Variants in NLRP4 observed in about 807,000 individuals in gnomAD.
NLRP4 encodes NLR family pyrin domain containing 4.
A neutral mutation model predicts 84.7 loss-of-function variants in NLRP4; 44 were observed. The observed-to-expected ratio is 0.52, with a 90% confidence interval of 0.41 to 0.67. The LOEUF (loss-of-function observed/expected upper bound fraction) is 0.67. NLRP4 is among the 30% of genes least tolerant of loss of function. The probability of loss-of-function intolerance (pLI) is 0.00; values close to 1 mark genes in which losing one functional copy is unlikely to be tolerated. For missense variants in NLRP4, 1,260 were observed against 1,219.4 expected (o/e 1.03, Z -0.50); for synonymous variants, 544 against 476.4 (o/e 1.14, Z -1.85).
intron 3 of NLRP4, among the ~76,000 whole-genome samples, chr19:55,861,084 T>C (rs1984730247): frequency 6.6e-6 from 1 of 152,154 alleles, no homozygotes; most frequent in South Asian, 2.1e-4. Context: ...TCCTGTGCAT[T>C]GTAGGATGTT....
chr19:55,876,002 A>G (rs1985354170), intron 7 of NLRP4, among the ~76,000 whole-genome samples: 1 of 152,218 alleles, frequency 6.6e-6, no homozygotes, highest in Non-Finnish European at 1.5e-5. Context: ...GTGCCGTTGC[A>G]TTCCAGCCTG....
At chr19:55,848,404 G>A (rs1208596390) in intron 1 of NLRP4, among the ~76,000 whole-genome samples, 2 of 151,694 alleles carry the variant, frequency 1.3e-5, no homozygotes, top group Non-Finnish European at 2.9e-5. Context: ...CGATACTATA[G>A]CATACTATAC....
chr19:55,862,194 T>G, intron 5 of NLRP4, 35 bp downstream of exon 5: 1 of 1,444,030 alleles, frequency 6.9e-7, no homozygotes, highest in Non-Finnish European at 9.6e-7. Context: ...CTGATTGGGT[T>G]TCAGAGAAGA....
chr19:55,840,338 A>ATGTGTGTGTGTGTG (rs776659188), intron 1 of NLRP4, among the ~76,000 whole-genome samples: 19 of 137,046 alleles, frequency 1.4e-4, no homozygotes, highest in Admixed American at 3.7e-4. Flanking sequence ...ACATATGTGT[A>ATGTGTGTGTGTGTG]TGTGTATGTG....
chr19:55,844,412 G>C (rs1047651194), intron 1 of NLRP4, among the ~76,000 whole-genome samples: 1 of 152,044 alleles, frequency 6.6e-6, no homozygotes, highest in Non-Finnish European at 1.5e-5. Context: ...TGAGTAGCTG[G>C]GAAGACAGGC....
intron 1 of NLRP4, among the ~76,000 whole-genome samples, chr19:55,849,896 G>GCGGTGTAATGTCCGTAGCC (rs1568658037): frequency 0.01 from 160 of 15,264 alleles, 14 homozygotes; most frequent in African/African-American, 0.029. Context: ...TTCCGTGGCC[G>GCGGTGTAATGTCCGTAGCC]GCGGTGTAAT....
chr19:55,844,981 C>T (rs1983739355), intron 1 of NLRP4, among the ~76,000 whole-genome samples: 1 of 152,026 alleles, frequency 6.6e-6, no homozygotes, highest in Non-Finnish European at 1.5e-5. Context: ...GATCTCTTCC[C>T]AGAGCCGGAG....
At position 55,881,571 on chromosome 19, in the gene NLRP4, C is replaced by G. The variant is rs1295092630; in HGVS notation, c.2969C>G (p.Thr990Arg). ...ATCACAGACGACTGTGACACAATCA[C>G]AAGGGTAGAGATCTGATTGCGAGGA... ...LTITDDCDTI[T>R]RVEI The change falls in exon 10 of 10, where the codon ACA becomes AGA. Residue 990 changes from threonine (T) to arginine (R), a missense_variant. Thr to Arg is a moderately conservative substitution (Grantham distance 71). This residue lies in a region of NLRP4 where 544 missense variants were observed against 531.7 expected (regional missense o/e 1.02). Transcript: ENST00000301295. 6.4e-7 allele frequency: 1 copy of G among 1,572,640 alleles called. No individual in the cohort carries two copies. The highest frequency in any genetic ancestry group is 8.8e-7 in the Non-Finnish European group (1 of 1,142,504).
chr19:55,849,993 GACT>G lies in NLRP4; in HGVS notation c.-65-2022_-65-2020del, dbSNP rs1983986490. On this transcript the variant is annotated intron_variant, in intron 1 of 9. Coordinates refer to ENST00000301295, the MANE Select transcript of NLRP4 (RefSeq NM_134444.5). ...TCCGTAGCTGCGGTGTAATTTCCGA[GACT>G]GCGGTGTGATTTCCGAGACTGCGGT... Among the ~76,000 whole-genome samples, 101 of 11,804 alleles carry G rather than the reference GACT, an allele frequency of 8.6e-3. 1 individual carries two copies. Among genetic ancestry groups the G allele is most frequent in the Non-Finnish European group, 0.017 (70 of 4,104 alleles). The allele number at this position is 11,804 out of a possible 152,430, so 7.7% of individuals were successfully genotyped here.
In NLRP4 at chr19:55,852,363, G is replaced by C. The variant is rs962236464; in HGVS notation, c.280+3G>C. The C allele has an allele frequency of 1.3e-6, 2 of 1,579,102 alleles. No individual in the cohort carries two copies. The highest frequency in any genetic ancestry group is 1.7e-6 in the Non-Finnish European group (2 of 1,167,732). ...GAAGGTCATGAGGGAGAGAACAGGT[G>C]AGGGAGTCTGGGAAGGGGGAAGCCT... On this transcript the variant is annotated splice_donor_region_variant and intron_variant, in intron 2 of 9. Coordinates refer to ENST00000301295, the MANE Select transcript of NLRP4 (RefSeq NM_134444.5).
Position 55,861,534 on chromosome 19 carries a change from C to T in NLRP4, c.2005C>T (p.Leu669Phe), listed in dbSNP as rs202171622. 3.7e-5 allele frequency: 60 copies of T among 1,613,824 alleles called. No individual in the cohort carries two copies. The highest frequency in any genetic ancestry group is 4.7e-5 in the Non-Finnish European group (56 of 1,179,934). The change falls in exon 4 of 10, where the codon CTT (leucine) becomes TTT (phenylalanine). Residue 669 changes from leucine to phenylalanine, a missense_variant. By Grantham distance (22) the Leu-to-Phe change is conservative. Coordinates refer to ENST00000301295, the MANE Select transcript of NLRP4 (RefSeq NM_134444.5). ...CNQLRHPSCR[L>F]QKLGINNVSF... ...CCAGCTGAGGCATCCCAGCTGTCGC[C>T]TTCAGAAGCTTGGGTGAGTTGAGAA...
chr19:55,844,411 G>T (rs542513716), intron 1 of NLRP4, among the ~76,000 whole-genome samples: 4 of 152,200 alleles, frequency 2.6e-5, no homozygotes, highest in Admixed American at 2.6e-4. Context: ...CTGAGTAGCT[G>T]GGAAGACAGG....
intron 5 of NLRP4, among the ~76,000 whole-genome samples, chr19:55,867,240 C>T (rs1984991390): frequency 6.8e-6 from 1 of 147,200 alleles, no homozygotes; most frequent in African/African-American, 2.5e-5. Context: ...ATAAGTCAAG[C>T]ATGCATATAA....
chr19:55,861,338 T>A (rs1237518694), intron 3 of NLRP4, 48 bp from the exon 4 acceptor site: 2 of 1,569,914 alleles, frequency 1.3e-6, no homozygotes, highest in East Asian at 2.2e-5. Flanking sequence ...TACAAGTGGC[T>A]CGTGTTGACC....
chr19:55,850,508 T>C (rs1172637520), intron 1 of NLRP4, among the ~76,000 whole-genome samples: 1 of 57,598 alleles, frequency 1.7e-5, no homozygotes, highest in Non-Finnish European at 3.0e-5. Context: ...CGGTGTAATG[T>C]CCGTGGCTGC....
At chr19:55,837,061 C>G (rs769877031) in intron 1 of NLRP4, 127 bp downstream of exon 1, 1 of 152,146 alleles carries the variant, frequency 6.6e-6, no homozygotes, top group Non-Finnish European at 1.5e-5. Context: ...AAAAGAAAAT[C>G]ACACTTCTAG....
In NLRP4 at chr19:55,877,149, C is replaced by T; in HGVS notation, c.2679C>T (p.Cys893=). The T allele has an allele frequency of 6.2e-7, 1 of 1,613,634 alleles. No homozygotes were observed. Among genetic ancestry groups the T allele is most frequent in the Non-Finnish European group, 8.5e-7 (1 of 1,179,678 alleles). Residue 893 remains cysteine, a synonymous_variant, in exon 8 of 10, where the codon TGC becomes TGT. Coordinates refer to ENST00000301295, the MANE Select transcript of NLRP4 (RefSeq NM_134444.5). ...GTCGGGCTCTGACGCATACGGATTG[C>T]CGCTTAGAGATTCTTGGGTGGGTAT... ...LLCRALTHTD[C]RLEILGLEEC...
chr19:55,881,358 A>C lies in NLRP4; in HGVS notation c.2868-112A>C. On this transcript the variant is annotated intron_variant, in intron 9 of 9. Transcript: ENST00000301295. Reference sequence around the variant, plus strand: ...TGTGTATGTCTTTCCTCTTGGAGGTAACACCAGGGTTTCCTAGGCTTGTCC... The same window carrying C: ...TGTGTATGTCTTTCCTCTTGGAGGTCACACCAGGGTTTCCTAGGCTTGTCC... The C allele has an allele frequency of 4.9e-6, 3 of 612,154 alleles. No homozygotes were observed. In the South Asian group the frequency reaches 6.1e-5, roughly 13 times the overall value. The allele number at this position is 612,154 out of a possible 1,614,324, so 37.9% of individuals were successfully genotyped here. A position where few individuals can be genotyped will look rare whatever the true frequency, so the allele number is the denominator to read the frequency against.
chr19:55,870,969 C>CA lies in NLRP4; in HGVS notation c.2498dup (p.His833GlnfsTer22). The CA allele has an allele frequency of 6.2e-7, 1 of 1,614,200 alleles. No homozygotes were observed. The highest frequency in any genetic ancestry group is 1.1e-5 in the South Asian group (1 of 91,080). ...GAAAACTCTCTGCGAGGCCTTGAAA[C>CA]ATCCGGACTGCTGCCTGGATTCACT... On this transcript the variant is annotated frameshift_variant, in exon 7 of 10. Transcript: ENST00000301295. LOFTEE classifies it high-confidence loss of function.
Sources: allele counts gnomAD v4.1 joint callset (sites outside exome capture counted in the v4.1 genomes callset), GRCh38; gene constraint gnomAD v4.1.1; regional missense constraint gnomAD v4.1.1; transcripts MANE v1.5; gene names NCBI Gene and HGNC (gene_info 2026-07-23, HGNC 2026-07-21).